Variants in USP45 observed in about 807,000 individuals in gnomAD.
The protein encoded by USP45 is ubiquitin specific peptidase 45.
In USP45, 89 loss-of-function variants were observed where a neutral mutation model predicts 95.8. The ratio of observed to expected loss-of-function variants is 0.93; its 90% CI spans 0.78 to 1.11. The LOEUF (loss-of-function observed/expected upper bound fraction) is 1.11, where lower values mean the gene tolerates loss of function less well. USP45 is among the 50% of genes least tolerant of loss of function. USP45 has a pLI of 0.00. For synonymous variants in USP45, 281 were observed against 316.2 expected, an observed-to-expected ratio of 0.89 and a Z score of 1.18; for missense variants, 898 against 942.5, an observed-to-expected ratio of 0.95 and a Z score of 0.62.
Position 99,436,570 on chromosome 6 carries a change from AAAGCAAAG to A in USP45, c.2314+668_2314+675del, listed in dbSNP as rs1430499853. Among the ~76,000 whole-genome samples, 11 of 152,150 alleles carry A rather than the reference AAAGCAAAG, an allele frequency of 7.2e-5. No individual in the cohort carries two copies. The South Asian group carries it at 1.0e-3, about 14-fold the overall frequency. Reference sequence around the variant, plus strand: ...GACCTCATTTCAAAAACAAACAAAAAAAGCAAAGTTAGTTGGATGACCCATAAACAAAG... The same window carrying A: ...GACCTCATTTCAAAAACAAACAAAAATTAGTTGGATGACCCATAAACAAAG... On this transcript the variant is annotated intron_variant, in intron 17 of 17. Coordinates refer to ENST00000500704, the MANE Select transcript of USP45 (RefSeq NM_001346022.3).
intron 5 of USP45, among the ~76,000 whole-genome samples, chr6:99,489,372 A>C (rs1283670889): frequency 6.6e-6 from 1 of 152,176 alleles, no homozygotes; most frequent in Non-Finnish European, 1.5e-5. Flanking sequence ...ATGAATCTGA[A>C]TTGGTAACAG....
At chr6:99,457,165 A>G (rs1785285658) in intron 13 of USP45, among the ~76,000 whole-genome samples, 1 of 152,232 alleles carries the variant, frequency 6.6e-6, no homozygotes, top group Non-Finnish European at 1.5e-5. Context: ...AAACTTCATT[A>G]GCAATTTTAA....
intron 15 of USP45, 112 bp downstream of exon 15, chr6:99,443,452 AT>A: frequency 1.6e-6 from 1 of 617,762 alleles, no homozygotes. Context: ...CACATGACAC[AT>A]TTTAAAATGC....
At position 99,482,826 on chromosome 6, in the gene USP45, A is replaced by G; in HGVS notation, c.772T>C (p.Phe258Leu). Residue 258 changes from phenylalanine (F) to leucine (L), a missense_variant, in exon 8 of 18, where the codon TTT becomes CTT. Physicochemically the swap from Phe to Leu is conservative, Grantham distance 22. Coordinates refer to ENST00000500704, the MANE Select transcript of USP45 (RefSeq NM_001346022.3). ...PGPLTSALFL[F>L]LHSMKETEKG... ...TCAGTCTCCTTCATGCTGTGAAGAAACAGGAACAAGGCTGAGGTCAGTGGT... is the reference window on the plus strand; with the variant it reads ...TCAGTCTCCTTCATGCTGTGAAGAAGCAGGAACAAGGCTGAGGTCAGTGGT... 6.2e-7 allele frequency: 1 copy of G among 1,607,500 alleles called. No individual in the cohort carries two copies. The highest frequency in any genetic ancestry group is 8.5e-7 in the Non-Finnish European group (1 of 1,176,532).
intron 13 of USP45, among the ~76,000 whole-genome samples, chr6:99,459,497 A>G (rs1296374850): frequency 6.6e-6 from 1 of 152,158 alleles, no homozygotes; most frequent in Non-Finnish European, 1.5e-5. Flanking sequence ...TCAGGTATAT[A>G]CCCAGTAATG....
At chr6:99,437,657 TTC>T (rs979329133) in intron 16 of USP45, among the ~76,000 whole-genome samples, 3 of 151,978 alleles carry the variant, frequency 2.0e-5, no homozygotes, top group African/African-American at 7.2e-5. Flanking sequence ...GTTTCTTTTT[TTC>T]TCTCTCTCTT....
chr6:99,440,076 T>C (rs780978525), intron 15 of USP45, among the ~76,000 whole-genome samples: 37 of 152,122 alleles, frequency 2.4e-4, no homozygotes, highest in South Asian at 4.1e-4. Context: ...CCACAAACAA[T>C]AGGGGGAATA....
chr6:99,504,281 A>T (rs1317065078), intron 4 of USP45, among the ~76,000 whole-genome samples: 1 of 152,182 alleles, frequency 6.6e-6, no homozygotes, highest in Non-Finnish European at 1.5e-5. Flanking sequence ...CTGGGATTAC[A>T]GGCATGCACC....
intron 13 of USP45, chr6:99,462,191 A>G: frequency 1.0e-6 from 1 of 976,876 alleles, no homozygotes; most frequent in South Asian, 4.7e-5. Context: ...AAGTAACAAA[A>G]AATATTATAT....
chr6:99,503,520 C>T (rs559103799), intron 5 of USP45, among the ~76,000 whole-genome samples: 11 of 151,926 alleles, frequency 7.2e-5, no homozygotes, highest in Admixed American at 1.3e-4. Flanking sequence ...TTAGTAGAGA[C>T]GGGGTTTCAC....
chr6:99,497,792 T>C lies in USP45; in HGVS notation c.478+5973A>G, dbSNP rs187815541. Among the ~76,000 whole-genome samples the C allele has an allele frequency of 2.0e-5, 3 of 152,216 alleles. No homozygotes were observed. In the East Asian group the frequency reaches 5.8e-4, roughly 29 times the overall value. On this transcript the variant is annotated intron_variant, in intron 5 of 17. Transcript: ENST00000500704. The stretch of plus-strand genomic sequence containing the variant: ...TATCTGTTCTTACTTACCTCAAGTC[T>C]CACCTCTCACCATCTTCTACACCAC...
intron 8 of USP45, among the ~76,000 whole-genome samples, chr6:99,479,846 G>T (rs570497074): frequency 2.0e-5 from 3 of 152,196 alleles, no homozygotes; most frequent in African/African-American, 7.2e-5. Flanking sequence ...TTGTATTGGT[G>T]GTCCTTTTTC....
chr6:99,449,282 G>A (rs985547293), intron 13 of USP45, among the ~76,000 whole-genome samples: 2 of 152,108 alleles, frequency 1.3e-5, no homozygotes, highest in Non-Finnish European at 2.9e-5. Context: ...CCCATCTCAC[G>A]TGCAGAGACA....
intron 13 of USP45, among the ~76,000 whole-genome samples, chr6:99,446,776 C>T (rs1218039674): frequency 1.3e-5 from 2 of 152,198 alleles, no homozygotes; most frequent in South Asian, 4.1e-4. Flanking sequence ...CAGCATCTTG[C>T]TCTGTTGCCC....
chr6:99,505,695 C>T (rs6904812), intron 4 of USP45, among the ~76,000 whole-genome samples: 90 of 150,932 alleles, frequency 6.0e-4, no homozygotes, highest in African/African-American at 1.9e-3. Context: ...ATTACATGTT[C>T]ACAATCTTCT....
intron 7 of USP45, among the ~76,000 whole-genome samples, chr6:99,484,891 A>G (rs972153591): frequency 2.6e-5 from 4 of 152,190 alleles, no homozygotes; most frequent in Admixed American, 6.5e-5. Flanking sequence ...ATGTTAACTG[A>G]AAGTTACCTC....
In USP45 at chr6:99,453,777, G is replaced by A. The variant is rs550824783; in HGVS notation, c.1309-7314C>T. Among the ~76,000 whole-genome samples the A allele has an allele frequency of 9.2e-5, 14 of 152,126 alleles. No homozygotes were observed. The East Asian group carries it at 1.7e-3, about 19-fold the overall frequency. ...AATTTGAGACCAGTCTGGCCAGCACGGTGAAACCCCATCTCTACTAAAAAT... is the reference window on the plus strand; with the variant it reads ...AATTTGAGACCAGTCTGGCCAGCACAGTGAAACCCCATCTCTACTAAAAAT... On this transcript the variant is annotated intron_variant, in intron 13 of 17. Coordinates refer to ENST00000500704, the MANE Select transcript of USP45 (RefSeq NM_001346022.3).
At chr6:99,459,881 G>A (rs962407539) in intron 13 of USP45, among the ~76,000 whole-genome samples, 4 of 152,128 alleles carry the variant, frequency 2.6e-5, no homozygotes, top group South Asian at 2.1e-4. Context: ...ATAGGGAGAG[G>A]AGTGGGGTCT....
chr6:99,461,540 A>C (rs1300219920), intron 13 of USP45: 30 of 985,288 alleles, frequency 3.0e-5, no homozygotes, highest in Non-Finnish European at 3.5e-5. Context: ...CAGTAAGCAA[A>C]AGAAAATGCA....
Sources: allele counts gnomAD v4.1 joint callset (sites outside exome capture counted in the v4.1 genomes callset), GRCh38; gene constraint gnomAD v4.1.1; transcripts MANE v1.5; gene names NCBI Gene and HGNC (gene_info 2026-07-23, HGNC 2026-07-21).